The following SIRPA variants were observed in gnomAD, a reference collection of about 807,000 sequenced individuals.
SIRPA encodes the protein tyrosine-protein phosphatase non-receptor type substrate 1.
Under a neutral mutation model 50.3 loss-of-function variants are expected in SIRPA, and 9 were observed. That is an observed-to-expected ratio of 0.18 (90% CI 0.11 to 0.31). The LOEUF is 0.31. Among genes scored for constraint, SIRPA ranks in the 10% least tolerant of loss-of-function variants. The pLI is 1.00. For missense variants in SIRPA, 474 were observed against 661.6 expected (o/e 0.72, Z 3.11); for synonymous variants, 265 against 284.1 (o/e 0.93, Z 0.68).
rs1986488194 is a variant in SIRPA at position 1,934,876 on chromosome 20, T to TA, written c.1266+123dup. On this transcript the variant is annotated intron_variant, in intron 7 of 7. Coordinates refer to ENST00000358771, the MANE Select transcript of SIRPA (RefSeq NM_001040023.2). This position sits in a 1 kb window ranked among gnomAD's most constrained non-coding sequence, Gnocchi z 4.6. Reference sequence around the variant, plus strand: ...TTGTGGGGTGGAGGGTGGAGGATCTTACACTCCTAGCTTTCCCCATGTCCT... The same window carrying TA: ...TTGTGGGGTGGAGGGTGGAGGATCTTAACACTCCTAGCTTTCCCCATGTCCT... 3.8e-6 allele frequency: 4 copies of TA among 1,060,184 alleles called. No homozygotes were observed. The highest frequency in any genetic ancestry group is 5.8e-6 in the Non-Finnish European group (4 of 687,250). 65.7% of individuals were successfully genotyped at this position (1,060,184 alleles called of 1,614,324 possible). A position where few individuals can be genotyped will look rare whatever the true frequency, so the allele number is the denominator to read the frequency against.
intron 2 of SIRPA, among the ~76,000 whole-genome samples, chr20:1,920,500 C>T (rs746371816): frequency 2.0e-5 from 3 of 152,116 alleles, no homozygotes; most frequent in Non-Finnish European, 2.9e-5. Flanking sequence ...GCTTTCAGGA[C>T]CCAGGAAGTG....
Position 1,895,485 on chromosome 20 carries a change from C to A in SIRPA, c.38C>A (p.Pro13Gln). ...PAGPAPGRLG[P>Q]LLCLLLAASC... ...GGCCCGGCCCCCGGCCGCCTCGGGC[C>A]GCTGCTCTGCCTGCTGCTCGCCGCG... The change falls in exon 1 of 8, where the codon CCG (proline) becomes CAG (glutamine). Residue 13 changes from proline (P) to glutamine (Q), a missense_variant. Pro to Gln is a moderately conservative substitution (Grantham distance 76). Around this residue, in one of 4 missense-constraint regions of SIRPA, gnomAD observed 72 missense variants for 76.2 expected, o/e 0.94. Transcript: ENST00000358771. 4.1e-6 allele frequency: 6 copies of A among 1,452,064 alleles called. No homozygotes were observed. Among genetic ancestry groups the A allele is most frequent in the Non-Finnish European group, 5.4e-6 (6 of 1,106,566 alleles). The allele number at this position is 1,452,064 out of a possible 1,614,324, so 89.9% of individuals were successfully genotyped here.
intron 1 of SIRPA, among the ~76,000 whole-genome samples, chr20:1,909,116 C>CG (rs1555769883): frequency 1.3e-5 from 2 of 152,202 alleles, no homozygotes; most frequent in Non-Finnish European, 2.9e-5. Flanking sequence ...AGAAGGGAGC[C>CG]GGGTATCACT....
At position 1,895,501 on chromosome 20, in the gene SIRPA, G is replaced by A; in HGVS notation, c.54G>A (p.Leu18=). ...GCCTCGGGCCGCTGCTCTGCCTGCT[G>A]CTCGCCGCGTCCTGCGCCTGGTCAG... ...PGRLGPLLCL[L]LAASCAWSGV... The change falls in exon 1 of 8, where the codon CTG becomes CTA. Residue 18 remains leucine, a synonymous_variant. Coordinates refer to ENST00000358771, the MANE Select transcript of SIRPA (RefSeq NM_001040023.2). 1 of 1,460,470 alleles carries A rather than the reference G, an allele frequency of 6.8e-7. No homozygotes were observed. Among genetic ancestry groups the A allele is most frequent in the Non-Finnish European group, 9.0e-7 (1 of 1,109,412 alleles). The allele number at this position is 1,460,470 out of a possible 1,614,324, so 90.5% of individuals were successfully genotyped here.
intron 2 of SIRPA, among the ~76,000 whole-genome samples, chr20:1,917,184 T>G (rs1484856427): frequency 2.0e-5 from 3 of 152,158 alleles, no homozygotes; most frequent in Non-Finnish European, 4.4e-5. Flanking sequence ...GATTGGATCC[T>G]CATCCTGGCA....
chr20:1,904,561 A>C (rs1329532289), intron 1 of SIRPA, among the ~76,000 whole-genome samples: 1 of 152,240 alleles, frequency 6.6e-6, no homozygotes, highest in Non-Finnish European at 1.5e-5. Context: ...GGGTGGCGAC[A>C]GCCCTGTCTT....
chr20:1,895,476 G>T lies in SIRPA; in HGVS notation c.29G>T (p.Arg10Leu). The stretch of plus-strand genomic sequence containing the variant: ...GAGCCCGCCGGCCCGGCCCCCGGCC[G>T]CCTCGGGCCGCTGCTCTGCCTGCTG... The part of the protein sequence containing the change: MEPAGPAPG[R>L]LGPLLCLLLA... Residue 10 changes from arginine to leucine, a missense_variant, in exon 1 of 8, where the codon CGC becomes CTC. Transcript: ENST00000358771. The T allele has an allele frequency of 7.0e-7, 1 of 1,434,794 alleles. No individual in the cohort carries two copies. The allele number at this position is 1,434,794 out of a possible 1,614,324, so 88.9% of individuals were successfully genotyped here. A position where few individuals can be genotyped will look rare whatever the true frequency, so the allele number is the denominator to read the frequency against.
intron 7 of SIRPA, among the ~76,000 whole-genome samples, chr20:1,935,973 G>A (rs755784213): frequency 1.2e-4 from 19 of 152,236 alleles, no homozygotes; most frequent in East Asian, 1.9e-4. Context: ...TTTGCCAGCC[G>A]GACAACTTTG....
upstream of SIRPA, chr20:1,894,659 G>A (rs1983647792): frequency 2.0e-5 from 3 of 150,012 alleles, no homozygotes; most frequent in Middle Eastern, 3.5e-3. This position sits in a 1 kb window ranked among gnomAD's most constrained non-coding sequence, Gnocchi z 4.0. Context: ...GCGGCTCGCG[G>A]GGCCGCCTTC....
chr20:1,898,162 AGT>A lies in SIRPA; in HGVS notation c.79+2638_79+2639del, dbSNP rs1368691710. On this transcript the variant is annotated intron_variant, in intron 1 of 7. Coordinates refer to ENST00000358771, the MANE Select transcript of SIRPA (RefSeq NM_001040023.2). This position sits in a 1 kb window ranked among gnomAD's most constrained non-coding sequence, Gnocchi z 4.3. ...GCTCTGGGGAGCAGCGGGGCCCCCC[AGT>A]GAACCTCTCACCGTTTGGTAGAGGG... Among the ~76,000 whole-genome samples the A allele has an allele frequency of 6.6e-6, 1 of 152,256 alleles. No individual in the cohort carries two copies. The highest frequency in any genetic ancestry group is 1.5e-5 in the Non-Finnish European group (1 of 68,046).
At chr20:1,916,621 A>G (rs752402011) in intron 2 of SIRPA, among the ~76,000 whole-genome samples, 55 of 152,222 alleles carry the variant, frequency 3.6e-4, no homozygotes, top group Non-Finnish European at 1.9e-4. Flanking sequence ...TGTAAGCCAT[A>G]TCATTTGATA....
chr20:1,931,444 A>G (rs1285188437), intron 6 of SIRPA, among the ~76,000 whole-genome samples: 3 of 151,990 alleles, frequency 2.0e-5, no homozygotes, highest in Non-Finnish European at 4.4e-5. Flanking sequence ...CTTGCTGTCT[A>G]TTTCTTCTTC....
chr20:1,930,252 C>T (rs2267913), intron 6 of SIRPA, among the ~76,000 whole-genome samples: 88,636 of 152,136 alleles, frequency 0.58, 28,809 homozygotes, highest in African/African-American at 0.87. Context: ...CCTGTGAACC[C>T]TCCTGGTGCC....
rs1057124 is a variant in SIRPA at position 1,937,781 on chromosome 20, T to C, written c.*213T>C. The stretch of plus-strand genomic sequence containing the variant: ...GGCCCCCTCCCCCCACATTGCCACA[T>C]ACCTGGAGGCTGACGTTGCCAAACC... On this transcript the variant is annotated 3_prime_UTR_variant, in exon 8 of 8. Coordinates refer to ENST00000358771, the MANE Select transcript of SIRPA (RefSeq NM_001040023.2). The surrounding 1 kb of genome is among the most constrained non-coding windows in gnomAD (Gnocchi z 8.3). 30,698 of 625,190 alleles carry C rather than the reference T, an allele frequency of 0.049. 868 individuals are homozygous for C. The highest frequency in any genetic ancestry group is 0.076 in the African/African-American group (4,148 of 54,378). 38.7% of individuals were successfully genotyped at this position (625,190 alleles called of 1,614,324 possible). A position where few individuals can be genotyped will look rare whatever the true frequency, so the allele number is the denominator to read the frequency against.
intron 6 of SIRPA, among the ~76,000 whole-genome samples, chr20:1,929,780 C>A (rs1248221589): frequency 1.3e-5 from 2 of 152,154 alleles, no homozygotes; most frequent in African/African-American, 2.4e-5. Flanking sequence ...GCCTGTCACA[C>A]TCCCACACCT....
At chr20:1,918,518 G>C (rs182493884) in intron 2 of SIRPA, among the ~76,000 whole-genome samples, 1 of 151,784 alleles carries the variant, frequency 6.6e-6, no homozygotes, top group African/African-American at 2.4e-5. Context: ...TGCCATCAAG[G>C]TGTTATTTTA....
At chr20:1,923,722 CAG>C (rs1568508065) in intron 4 of SIRPA, among the ~76,000 whole-genome samples, 1 of 152,204 alleles carries the variant, frequency 6.6e-6, no homozygotes, top group Non-Finnish European at 1.5e-5. Context: ...CATTGGGAGA[CAG>C]GATGTGTGGC....
intron 1 of SIRPA, among the ~76,000 whole-genome samples, chr20:1,901,329 C>G (rs1476495948): frequency 6.6e-6 from 1 of 151,932 alleles, no homozygotes; most frequent in Non-Finnish European, 1.5e-5. Flanking sequence ...CACCGTCACG[C>G]CCAGCTAATT....
chr20:1,899,233 C>G (rs1183571519), intron 1 of SIRPA, among the ~76,000 whole-genome samples: 1 of 151,850 alleles, frequency 6.6e-6, no homozygotes, highest in Non-Finnish European at 1.5e-5. Flanking sequence ...AAACACAAAG[C>G]TGCCGTGAGG....
Sources: allele counts gnomAD v4.1 joint callset (sites outside exome capture counted in the v4.1 genomes callset), GRCh38; gene constraint gnomAD v4.1.1; regional missense constraint gnomAD v4.1.1; non-coding constraint Gnocchi (gnomAD v3.1); transcripts MANE v1.5; gene names NCBI Gene and HGNC (gene_info 2026-07-23, HGNC 2026-07-21).